Variants in ZNF516 observed in about 807,000 individuals in gnomAD.
The protein encoded by ZNF516 is zinc finger protein 516.
In ZNF516, 19 loss-of-function variants were observed where a neutral mutation model predicts 79.7. The observed-to-expected ratio is 0.24, with a 90% CI of 0.17 to 0.35. The LOEUF is 0.35. ZNF516 is among the 10% of genes least tolerant of loss of function. The pLI, the probability that ZNF516 is intolerant of heterozygous loss-of-function variation, is 1.00. For missense variants in ZNF516, 1,678 were observed against 1,679.5 expected (o/e 1.00, Z 0.02); for synonymous variants, 877 against 739.5 (o/e 1.19, Z -3.02).
At chr18:76,387,701 A>G (rs996839725) in intron 3 of ZNF516, 1 of 152,268 alleles carries the variant, frequency 6.6e-6, no homozygotes, top group East Asian at 1.9e-4. Context: ...GGCTGGCTTT[A>G]GTGCACAGAG....
intron 3 of ZNF516, among the ~76,000 whole-genome samples, chr18:76,405,092 A>G (rs1450129452): frequency 6.6e-6 from 1 of 152,198 alleles, no homozygotes; most frequent in African/African-American, 2.4e-5. Context: ...CGCTTTCCTC[A>G]GCACCTGATG....
At chr18:76,437,003 G>A (rs1318583012) in intron 3 of ZNF516, among the ~76,000 whole-genome samples, 1 of 151,110 alleles carries the variant, frequency 6.6e-6, no homozygotes, top group Non-Finnish European at 1.5e-5. Flanking sequence ...GGAGGCGGAG[G>A]TTGCAGGGAG....
In ZNF516 at chr18:76,361,556, T is replaced by C. The variant is rs997773356; in HGVS notation, c.*942A>G. 1 of 152,158 alleles carries C rather than the reference T, an allele frequency of 6.6e-6. No homozygotes were observed. Among genetic ancestry groups the C allele is most frequent in the Non-Finnish European group, 1.5e-5 (1 of 68,030 alleles). 9.4% of individuals were successfully genotyped at this position (152,158 alleles called of 1,614,324 possible). A position where few individuals can be genotyped will look rare whatever the true frequency, so the allele number is the denominator to read the frequency against. On this transcript the variant is annotated 3_prime_UTR_variant, in exon 7 of 7. Coordinates refer to ENST00000443185, the MANE Select transcript of ZNF516 (RefSeq NM_014643.4). ...GCGCCAGAGCTCAGCACCCTAGTCATCTAGGGCACCTGAACCTGCTCAGGG... is the reference window on the plus strand; with the variant it reads ...GCGCCAGAGCTCAGCACCCTAGTCACCTAGGGCACCTGAACCTGCTCAGGG...
intron 3 of ZNF516, among the ~76,000 whole-genome samples, chr18:76,412,154 G>A (rs1336298276): frequency 2.0e-5 from 3 of 152,158 alleles, no homozygotes; most frequent in Non-Finnish European, 4.4e-5. Flanking sequence ...ACTATTTTCA[G>A]AGGAAGCGGC....
Position 76,379,648 on chromosome 18 carries a change from G to A in ZNF516, c.2466C>T (p.Leu822=), listed in dbSNP as rs763906125. 5.0e-6 allele frequency: 8 copies of A among 1,613,648 alleles called. No homozygotes were observed. Among genetic ancestry groups the A allele is most frequent in the South Asian group, 2.2e-5 (2 of 91,086 alleles). Residue 822 remains leucine (L), a synonymous_variant, in exon 4 of 7, where the codon CTC becomes CTT. Transcript: ENST00000443185. ...GCAAAGGCTGGCATTCTTTGCCACCGAGGGCAGGCGGGGGGCCCGTGCGTC... is the reference window on the plus strand; with the variant it reads ...GCAAAGGCTGGCATTCTTTGCCACCAAGGGCAGGCGGGGGGCCCGTGCGTC... ...RSGRTGPPPA[L]GGKECQPLLL... is the part of the protein sequence containing the mutation.
At chr18:76,446,001 G>A (rs1456486434) in intron 2 of ZNF516, among the ~76,000 whole-genome samples, 1 of 152,226 alleles carries the variant, frequency 6.6e-6, no homozygotes, top group Non-Finnish European at 1.5e-5. Context: ...CCGTCAGCGT[G>A]CAGGTCACAG....
intron 1 of ZNF516, among the ~76,000 whole-genome samples, chr18:76,473,521 G>C (rs1913977287): frequency 6.6e-6 from 1 of 152,154 alleles, no homozygotes; most frequent in African/African-American, 2.4e-5. Context: ...AAAGTAGTTG[G>C]CTGGGTGCGG....
chr18:76,492,104 G>A (rs1022963027), intron 1 of ZNF516: 7 of 946,650 alleles, frequency 7.4e-6, no homozygotes, highest in Admixed American at 6.2e-5. Context: ...CCCTGCAGGG[G>A]TCTCCGGGGA....
At chr18:76,496,216 G>T (rs1322613328), upstream of ZNF516, 4 of 1,226,660 alleles carry the variant, frequency 3.3e-6, no homozygotes, top group Non-Finnish European at 3.1e-6. Flanking sequence ...CCCCTTCACG[G>T]CCGGTGACGT....
In ZNF516 at chr18:76,451,190, AT is replaced by A. The variant is rs563379478; in HGVS notation, c.-157-7980del. Among the ~76,000 whole-genome samples the A allele has an allele frequency of 4.6e-5, 7 of 152,166 alleles. No homozygotes were observed. In the South Asian group the frequency reaches 1.5e-3, roughly 32 times the overall value. ...TTTCCAAATGCCTATCTAGCTTGGC[AT>A]TTTTTTCAGTTCTGGTTCATGAATT... On this transcript the variant is annotated intron_variant, in intron 2 of 6. Coordinates refer to ENST00000443185, the MANE Select transcript of ZNF516 (RefSeq NM_014643.4). This position sits in a 1 kb window ranked among gnomAD's most constrained non-coding sequence, Gnocchi z 6.0.
rs376791526 is a variant in ZNF516 at position 76,406,334 on chromosome 18, G to A, written c.1811-26031C>T. Among the ~76,000 whole-genome samples the A allele has an allele frequency of 3.3e-5, 5 of 152,330 alleles. No homozygotes were observed. The East Asian group carries it at 5.8e-4, about 18-fold the overall frequency. ...TAATCTCAGAACTCTGGGAGGCCGA[G>A]ACAGGAGGATCACGAGATCAGGAGT... On this transcript the variant is annotated intron_variant, in intron 3 of 6. Transcript: ENST00000443185.
intron 1 of ZNF516, among the ~76,000 whole-genome samples, chr18:76,489,959 C>G (rs1359898337): frequency 3.3e-5 from 5 of 152,160 alleles, no homozygotes; most frequent in Non-Finnish European, 7.3e-5. Context: ...AGTTTTATTA[C>G]AGATCCACCG....
rs755305993 is a variant in ZNF516, at chr18:76,367,366, C to T, written c.3432+3162G>A. ...GAACCACTAAGCCCATTCTCAGTAG[C>T]GTGTGACCTGCTCATTCTTCTCAAG... is the stretch of plus-strand genomic sequence containing the variant. On this transcript the variant is annotated intron_variant, in intron 6 of 6. Transcript: ENST00000443185. Among the ~76,000 whole-genome samples the T allele has an allele frequency of 5.3e-5, 8 of 152,222 alleles. 1 individual carries two copies. The highest frequency in any genetic ancestry group is 4.1e-4 in the South Asian group (2 of 4,834).
At chr18:76,481,596 G>A (rs1396327821) in intron 1 of ZNF516, among the ~76,000 whole-genome samples, 1 of 152,220 alleles carries the variant, frequency 6.6e-6, no homozygotes, top group Non-Finnish European at 1.5e-5. Context: ...CACCTGTGCA[G>A]GCCTCAGTGT....
At chr18:76,458,953 G>C (rs1912922837) in intron 2 of ZNF516, among the ~76,000 whole-genome samples, 1 of 152,226 alleles carries the variant, frequency 6.6e-6, no homozygotes, top group African/African-American at 2.4e-5. Context: ...GAACATGAGA[G>C]AGACTGAGTG....
rs896546438 is a variant in ZNF516, at chr18:76,361,246, A to G, written c.*1252T>C. ...TACCATCACACATAGTGTCACGGCA[A>G]TGGGAAAAGAAAATATTTATATCTG... On this transcript the variant is annotated 3_prime_UTR_variant, in exon 7 of 7. Transcript: ENST00000443185. 2.0e-5 allele frequency: 3 copies of G among 152,204 alleles called. No individual in the cohort carries two copies. Among genetic ancestry groups the G allele is most frequent in the Non-Finnish European group, 2.9e-5 (2 of 68,026 alleles). 9.4% of individuals were successfully genotyped at this position (152,204 alleles called of 1,614,324 possible).
chr18:76,433,725 C>T (rs866483448), intron 3 of ZNF516, among the ~76,000 whole-genome samples: 5 of 152,118 alleles, frequency 3.3e-5, no homozygotes, highest in Non-Finnish European at 7.3e-5. Flanking sequence ...GGAATCCGTG[C>T]GTTAAGCAAA....
chr18:76,360,331 T>A lies in ZNF516; in HGVS notation c.*2167A>T, dbSNP rs2074512161. On this transcript the variant is annotated 3_prime_UTR_variant, in exon 7 of 7. Transcript: ENST00000443185. ...TAAAACACAGAGAAACAGGACTGGGTCACTAGTCCCTGACATTCCTAACAG... is the reference window on the plus strand; with the variant it reads ...TAAAACACAGAGAAACAGGACTGGGACACTAGTCCCTGACATTCCTAACAG... 1 of 152,076 alleles carries A rather than the reference T, an allele frequency of 6.6e-6. No homozygotes were observed. Among genetic ancestry groups the A allele is most frequent in the African/African-American group, 2.4e-5 (1 of 41,396 alleles). 9.4% of individuals were successfully genotyped at this position (152,076 alleles called of 1,614,324 possible). A position where few individuals can be genotyped will look rare whatever the true frequency, so the allele number is the denominator to read the frequency against.
At chr18:76,464,531 C>A (rs1488879081) in intron 1 of ZNF516, among the ~76,000 whole-genome samples, 2 of 152,240 alleles carry the variant, frequency 1.3e-5, no homozygotes, top group African/African-American at 4.8e-5. Flanking sequence ...CAGGGTGATG[C>A]GCAGTGATAG....
Sources: allele counts gnomAD v4.1 joint callset (sites outside exome capture counted in the v4.1 genomes callset), GRCh38; gene constraint gnomAD v4.1.1; non-coding constraint Gnocchi (gnomAD v3.1); transcripts MANE v1.5; gene names NCBI Gene and HGNC (gene_info 2026-07-23, HGNC 2026-07-21).